The following RNF182 variants were observed in gnomAD, a reference collection of about 807,000 sequenced individuals.
RNF182 encodes E3 ubiquitin-protein ligase RNF182.
RNF182 carries 15 observed loss-of-function variants against 14.4 expected under a neutral mutation model. That is an observed-to-expected ratio of 1.04 (90% confidence interval 0.70 to 1.60). RNF182 has a LOEUF of 1.60. Among genes scored for constraint, RNF182 ranks in the 40% most tolerant of loss-of-function variants. RNF182 has a pLI of 0.00. For synonymous variants in RNF182, 128 were observed against 122.9 expected, an observed-to-expected ratio of 1.04 and a Z score of -0.27; for missense variants, 268 against 294.8, an observed-to-expected ratio of 0.91 and a Z score of 0.67.
chr6:13,962,183 T>C (rs559989255), intron 1 of RNF182, among the ~76,000 whole-genome samples: 16 of 152,158 alleles, frequency 1.1e-4, no homozygotes, highest in Non-Finnish European at 1.6e-4. Context: ...CTAACTAGAA[T>C]CCAGCTTCTG....
chr6:13,952,167 G>A (rs1167211385), intron 1 of RNF182, among the ~76,000 whole-genome samples: 1 of 152,182 alleles, frequency 6.6e-6, no homozygotes, highest in East Asian at 1.9e-4. Flanking sequence ...TGGGAGGCGA[G>A]GAGCTCAGGG....
intron 1 of RNF182, among the ~76,000 whole-genome samples, chr6:13,968,933 C>G (rs1561787330): frequency 6.6e-6 from 1 of 152,124 alleles, no homozygotes; most frequent in African/African-American, 2.4e-5. Flanking sequence ...AATAAATTCT[C>G]AACGTCAAGT....
Position 13,977,314 on chromosome 6 carries a change from T to A in RNF182, c.195T>A (p.Pro65=). The change falls in exon 3 of 3, where the codon CCT becomes CCA. Residue 65 remains proline (P), a synonymous_variant. Transcript: ENST00000488300. ...GDSPQGVIVC[P]FCRFETCLPD... ...CCCCACAAGGTGTCATTGTCTGTCCTTTCTGCAGGTTTGAGACGTGCCTGC... is the reference window on the plus strand; with the variant it reads ...CCCCACAAGGTGTCATTGTCTGTCCATTCTGCAGGTTTGAGACGTGCCTGC... 6.2e-7 allele frequency: 1 copy of A among 1,614,206 alleles called. No individual in the cohort carries two copies. Among genetic ancestry groups the A allele is most frequent in the Non-Finnish European group, 8.5e-7 (1 of 1,180,014 alleles).
intron 1 of RNF182, among the ~76,000 whole-genome samples, chr6:13,956,553 G>C (rs1457240855): frequency 2.0e-5 from 3 of 152,136 alleles, no homozygotes; most frequent in African/African-American, 7.2e-5. Context: ...TCAAACTCCT[G>C]ACCTCAGGTG....
chr6:13,951,897 T>G (rs915382071), intron 1 of RNF182, among the ~76,000 whole-genome samples: 4 of 152,182 alleles, frequency 2.6e-5, no homozygotes, highest in Non-Finnish European at 5.9e-5. Context: ...AAAATACACA[T>G]GACAAACTTA....
intron 1 of RNF182, among the ~76,000 whole-genome samples, chr6:13,967,754 G>A (rs1350764263): frequency 6.6e-6 from 1 of 151,950 alleles, no homozygotes. Flanking sequence ...TTAAAAAATA[G>A]AGATGGAGTC....
intron 1 of RNF182, among the ~76,000 whole-genome samples, chr6:13,944,991 A>G (rs183506185): frequency 6.6e-6 from 1 of 152,366 alleles, no homozygotes; most frequent in Admixed American, 6.5e-5. Flanking sequence ...AGCCGGGCTT[A>G]ATAAACATTG....
intron 1 of RNF182, among the ~76,000 whole-genome samples, chr6:13,930,443 G>C (rs930765986): frequency 6.6e-6 from 1 of 152,058 alleles, no homozygotes; most frequent in African/African-American, 2.4e-5. Flanking sequence ...TGCCTCACGG[G>C]GTTATCCTCA....
At chr6:13,968,509 G>GTAT (rs1760093520) in intron 1 of RNF182, among the ~76,000 whole-genome samples, 4 of 152,158 alleles carry the variant, frequency 2.6e-5, no homozygotes, top group African/African-American at 9.7e-5. Flanking sequence ...AATTTTATCA[G>GTAT]TATTTAAACT....
intron 1 of RNF182, among the ~76,000 whole-genome samples, chr6:13,946,596 C>G (rs565015333): frequency 1.3e-5 from 2 of 152,210 alleles, no homozygotes; most frequent in East Asian, 3.9e-4. Flanking sequence ...AACTTCTTCC[C>G]TTAACTGTAA....
chr6:13,940,235 A>G (rs1158350353), intron 1 of RNF182, among the ~76,000 whole-genome samples: 1 of 152,232 alleles, frequency 6.6e-6, no homozygotes, highest in East Asian at 1.9e-4. Context: ...GTTTTAGCAA[A>G]TGATTTTCCG....
At chr6:13,930,364 A>G (rs115582192) in intron 1 of RNF182, among the ~76,000 whole-genome samples, 307 of 152,310 alleles carry the variant, frequency 2.0e-3, no homozygotes, top group African/African-American at 7.1e-3. Context: ...GGGTGACTAC[A>G]TATTTTCTGT....
Position 13,977,833 on chromosome 6 carries a change from A to G in RNF182, c.714A>G (p.Glu238=), listed in dbSNP as rs1317311898. The change falls in exon 3 of 3, where the codon GAA becomes GAG. Residue 238 remains glutamate (E), a synonymous_variant. Coordinates refer to ENST00000488300, the MANE Select transcript of RNF182 (RefSeq NM_152737.4). ...VYGFCQCVCH[E]FLDCMAPPS ...GTTTTTGCCAGTGTGTTTGTCATGA[A>G]TTTCTAGACTGTATGGCACCTCCTT... 6.2e-7 allele frequency: 1 copy of G among 1,613,910 alleles called. No individual in the cohort carries two copies.
At chr6:13,967,290 A>T (rs560818928) in intron 1 of RNF182, among the ~76,000 whole-genome samples, 1 of 152,354 alleles carries the variant, frequency 6.6e-6, no homozygotes, top group East Asian at 1.9e-4. Flanking sequence ...CATAAATAGG[A>T]TAAGGAAAGA....
intron 1 of RNF182, among the ~76,000 whole-genome samples, chr6:13,957,122 G>T (rs192734771): frequency 6.6e-6 from 1 of 152,114 alleles, no homozygotes; most frequent in Admixed American, 6.6e-5. Flanking sequence ...TCTGTCACAC[G>T]GCAAAACTAC....
chr6:13,959,423 A>T (rs1759810680), intron 1 of RNF182, among the ~76,000 whole-genome samples: 1 of 152,224 alleles, frequency 6.6e-6, no homozygotes, highest in Non-Finnish European at 1.5e-5. Flanking sequence ...TTTAAGTGTA[A>T]TAAACGGATG....
chr6:13,949,831 T>A (rs1212656868), intron 1 of RNF182, among the ~76,000 whole-genome samples: 2 of 152,230 alleles, frequency 1.3e-5, no homozygotes, highest in African/African-American at 2.4e-5. Flanking sequence ...AAAAAAAATT[T>A]TGCTGAAGAG....
Position 13,977,855 on chromosome 6 carries a change from C to G in RNF182, c.736C>G (p.Pro246Ala). Residue 246 changes from proline (P) to alanine (A), a missense_variant, in exon 3 of 3, where the codon CCT (proline) becomes GCT (alanine). Transcript: ENST00000488300. ...TGAATTTCTAGACTGTATGGCACCT[C>G]CTTCTTAACTGATATGCAAAATAAG... ...CHEFLDCMAP[P>A]S The G allele has an allele frequency of 1.2e-6, 2 of 1,606,758 alleles. No homozygotes were observed. The highest frequency in any genetic ancestry group is 8.5e-7 in the Non-Finnish European group (1 of 1,175,634).
At chr6:13,945,058 C>T (rs945615462) in intron 1 of RNF182, among the ~76,000 whole-genome samples, 3 of 152,142 alleles carry the variant, frequency 2.0e-5, no homozygotes, top group African/African-American at 4.8e-5. Context: ...TGGAAATGCC[C>T]TCAGTTGTCA....
Sources: allele counts gnomAD v4.1 joint callset (sites outside exome capture counted in the v4.1 genomes callset), GRCh38; gene constraint gnomAD v4.1.1; transcripts MANE v1.5; gene names NCBI Gene and HGNC (gene_info 2026-07-23, HGNC 2026-07-21).